Variants in SCARB2 observed in about 807,000 individuals in gnomAD.
The protein encoded by SCARB2 is lysosome membrane protein 2.
SCARB2 carries 29 observed loss-of-function variants against 58.6 expected under a neutral mutation model. That is an observed-to-expected ratio of 0.49 (90% confidence interval 0.37 to 0.67). The LOEUF (loss-of-function observed/expected upper bound fraction) is 0.67, where lower values mean the gene tolerates loss of function less well. SCARB2 is among the 30% of genes least tolerant of loss of function. SCARB2 has a pLI of 0.00. For synonymous variants in SCARB2, 195 were observed against 210.1 expected (o/e 0.93, Z 0.62); for missense variants, 488 against 578.5 (o/e 0.84, Z 1.60).
chr4:76,184,984 G>T (rs17001588), intron 2 of SCARB2, among the ~76,000 whole-genome samples: 1 of 151,888 alleles, frequency 6.6e-6, no homozygotes, highest in Non-Finnish European at 1.5e-5. Context: ...ATAGATTCCC[G>T]TTTTACTTAA....
At chr4:76,215,992 TG>T (rs1256422562), upstream of SCARB2, among the ~76,000 whole-genome samples, 1 of 152,198 alleles carries the variant, frequency 6.6e-6, no homozygotes, top group Non-Finnish European at 1.5e-5. Context: ...TGGGACATTT[TG>T]TAGCTACCAA....
intron 9 of SCARB2, chr4:76,166,546 GA>G: frequency 1.7e-6 from 1 of 578,132 alleles, no homozygotes; most frequent in East Asian, 2.9e-5. Flanking sequence ...TTAAAATGAT[GA>G]CTAGTCTCCT....
chr4:76,229,689 A>AGGC (rs1733460605), intron 1 of SCARB2, among the ~76,000 whole-genome samples: 1 of 152,176 alleles, frequency 6.6e-6, no homozygotes, highest in Non-Finnish European at 1.5e-5. Context: ...GATGTGATCC[A>AGGC]TCTTCAGGTT....
At chr4:76,226,014 G>A (rs191294608) in intron 1 of SCARB2, among the ~76,000 whole-genome samples, 1 of 152,260 alleles carries the variant, frequency 6.6e-6, no homozygotes, top group Admixed American at 6.5e-5. Flanking sequence ...AATCCATCCG[G>A]TCCTGGACTT....
At chr4:76,213,201 G>A in intron 1 of SCARB2, 1 of 557,390 alleles carries the variant, frequency 1.8e-6, no homozygotes, top group Non-Finnish European at 3.3e-6. Flanking sequence ...TTAAAAGTCA[G>A]GATCCATAGC....
At chr4:76,189,798 T>TA (rs1560713853) in intron 2 of SCARB2, among the ~76,000 whole-genome samples, 1 of 152,088 alleles carries the variant, frequency 6.6e-6, no homozygotes, top group Admixed American at 6.5e-5. Flanking sequence ...AAGTCCCTTA[T>TA]AAAACCATCA....
At chr4:76,176,554 T>A in intron 4 of SCARB2, 26 bp from the exon 5 acceptor site, 1 of 1,466,414 alleles carries the variant, frequency 6.8e-7, no homozygotes, top group Non-Finnish European at 9.5e-7. Flanking sequence ...TATGATCATT[T>A]AAAGTAACTG....
At chr4:76,213,210 GC>G in intron 1 of SCARB2, 1 of 583,124 alleles carries the variant, frequency 1.7e-6, no homozygotes, top group Non-Finnish European at 3.1e-6. Flanking sequence ...AGGATCCATA[GC>G]CTTACTTATC....
chr4:76,232,214 C>T (rs1424604530), intron 1 of SCARB2, among the ~76,000 whole-genome samples: 4 of 152,152 alleles, frequency 2.6e-5, no homozygotes, highest in Admixed American at 6.5e-5. Context: ...AGCAATATTC[C>T]AAGCAAAAGT....
chr4:76,231,030 T>C (rs536084615), intron 1 of SCARB2, among the ~76,000 whole-genome samples: 2 of 152,306 alleles, frequency 1.3e-5, no homozygotes, highest in South Asian at 4.1e-4. Flanking sequence ...GAATTGAGTT[T>C]GGAACAAAAA....
chr4:76,176,023 A>G, intron 5 of SCARB2, 113 bp from the exon 6 acceptor site: 3 of 1,256,070 alleles, frequency 2.4e-6, no homozygotes, highest in Non-Finnish European at 3.4e-6. Context: ...ACAGTATCTT[A>G]TTCATACACA....
At chr4:76,174,015 C>A (rs990717377) in intron 7 of SCARB2, 129 bp downstream of exon 7, 35 of 1,162,752 alleles carry the variant, frequency 3.0e-5, no homozygotes, top group Non-Finnish European at 3.7e-5. Context: ...AAGTGATCAT[C>A]CCACCTCAGC....
At chr4:76,178,589 G>C (rs769311529) in intron 4 of SCARB2, among the ~76,000 whole-genome samples, 7 of 152,150 alleles carry the variant, frequency 4.6e-5, no homozygotes, top group Non-Finnish European at 1.0e-4. Flanking sequence ...GGGAGGTTCA[G>C]TCAGGGCTTG....
At chr4:76,189,833 T>C (rs1188578773) in intron 2 of SCARB2, among the ~76,000 whole-genome samples, 1 of 152,038 alleles carries the variant, frequency 6.6e-6, no homozygotes, top group Non-Finnish European at 1.5e-5. Flanking sequence ...TAACTCAGTA[T>C]CAAGAGAACA....
At chr4:76,192,883 T>TA (rs1292637568) in intron 2 of SCARB2, 1 of 152,132 alleles carries the variant, frequency 6.6e-6, no homozygotes, top group Admixed American at 6.6e-5. Context: ...TGTGGGGAGA[T>TA]AAATTCAAGC....
intron 1 of SCARB2, among the ~76,000 whole-genome samples, chr4:76,227,458 C>CAT (rs1180819524): frequency 1.3e-5 from 2 of 152,142 alleles, no homozygotes; most frequent in East Asian, 3.9e-4. Context: ...TGTGGCCTAT[C>CAT]ATATGGTCTA....
At chr4:76,198,841 AGTGTGTGT>A (rs10545527) in intron 1 of SCARB2, among the ~76,000 whole-genome samples, 167 of 141,116 alleles carry the variant, frequency 1.2e-3, no homozygotes, top group African/African-American at 3.6e-3. Flanking sequence ...AGAGTGAGTG[AGTGTGTGT>A]GTGTGTGTGT....
intron 1 of SCARB2, among the ~76,000 whole-genome samples, chr4:76,225,508 A>C (rs1477995912): frequency 6.6e-6 from 1 of 152,192 alleles, no homozygotes; most frequent in East Asian, 1.9e-4. Flanking sequence ...ATTCAGTATA[A>C]TGTTGGCTGT....
intron 2 of SCARB2, among the ~76,000 whole-genome samples, chr4:76,186,009 C>T (rs1193488234): frequency 1.3e-5 from 2 of 152,192 alleles, no homozygotes; most frequent in Admixed American, 1.3e-4. Context: ...GGATTAGCTA[C>T]TGATACCATG....
Sources: gnomAD v4.1 joint callset for allele counts (sites outside exome capture counted in the v4.1 genomes callset) on GRCh38, gnomAD v4.1.1 for gene constraint, MANE v1.5 for transcripts, NCBI Gene and HGNC (gene_info 2026-07-23, HGNC 2026-07-21) for gene names.